The following RGPD4 variants were observed in gnomAD, a reference collection of about 807,000 sequenced individuals.
RGPD4 encodes ranBP2-like and GRIP domain-containing protein 4.
In RGPD4, 84 loss-of-function variants were observed where a neutral mutation model predicts 141.1. That is an observed-to-expected ratio of 0.60 (90% CI 0.50 to 0.71). The LOEUF (loss-of-function observed/expected upper bound fraction) is 0.71. RGPD4 is among the 30% of genes least tolerant of loss of function. RGPD4 has a pLI of 0.00. For missense variants in RGPD4, 918 were observed against 1,622.4 expected, an observed-to-expected ratio of 0.57 and a Z score of 7.46; for synonymous variants, 298 against 566.8, an observed-to-expected ratio of 0.53 and a Z score of 6.74.
intron 6 of RGPD4, among the ~76,000 whole-genome samples, chr2:107,844,906 A>T (rs1416871776): frequency 2.9e-5 from 3 of 104,112 alleles, no homozygotes; most frequent in Non-Finnish European, 3.6e-5. Flanking sequence ...CACGACCTTG[A>T]CTCACTGTAA....
In RGPD4 at chr2:107,871,692, G is replaced by A. The variant is rs538045375; in HGVS notation, c.3688G>A (p.Gly1230Ser). The A allele has an allele frequency of 3.7e-4, 595 of 1,609,710 alleles. 7 individuals are homozygous for A. In the South Asian group the frequency reaches 4.2e-3, roughly 11 times the overall value. The change falls in exon 20 of 23, where the codon GGT becomes AGT. Residue 1230 changes from glycine to serine, a missense_variant. Coordinates refer to ENST00000408999, the MANE Select transcript of RGPD4 (RefSeq NM_182588.3). The part of the protein sequence containing the change: ...ENKGSGTGAA[G>S]ASDTTIKPNP... ...TAAGGGTTCAGGTACAGGTGCGGCC[G>A]GTGCCTCAGACACAACAATAAAACC...
chr2:107,884,880 C>A (rs1030717064), intron 22 of RGPD4, among the ~76,000 whole-genome samples: 2 of 151,890 alleles, frequency 1.3e-5, no homozygotes, highest in Non-Finnish European at 2.9e-5. Flanking sequence ...GGTCTGGGGC[C>A]CATACCTTGA....
chr2:107,832,844 C>A (rs925025427), intron 1 of RGPD4, among the ~76,000 whole-genome samples: 13 of 148,818 alleles, frequency 8.7e-5, no homozygotes, highest in African/African-American at 3.2e-4. Flanking sequence ...CTGGAAGTGT[C>A]CTTTCAATTG....
At chr2:107,829,827 G>T (rs143248737) in intron 1 of RGPD4, among the ~76,000 whole-genome samples, 1 of 152,080 alleles carries the variant, frequency 6.6e-6, no homozygotes, top group African/African-American at 2.4e-5. Context: ...GCGCAGCCTG[G>T]TTCTCGGGGG....
At position 107,854,616 on chromosome 2, in the gene RGPD4, A is replaced by T. The variant is rs1345372579; in HGVS notation, c.1039A>T (p.Met347Leu). ...AGCTGGACAAAATCTGCTGGAAATG[A>T]TGGCCTGTGACCGACTGAGCCAATC... ...GEAGQNLLEM[M>L]ACDRLSQSGH... The change falls in exon 8 of 23, where the codon ATG (methionine) becomes TTG (leucine). Residue 347 changes from methionine to leucine, a missense_variant. Met to Leu is a conservative substitution (Grantham distance 15). Transcript: ENST00000408999. 3.9e-6 allele frequency: 6 copies of T among 1,530,542 alleles called. No individual in the cohort carries two copies. Among genetic ancestry groups the T allele is most frequent in the Non-Finnish European group, 5.3e-6 (6 of 1,130,696 alleles). The allele number at this position is 1,530,542 out of a possible 1,614,324, so 94.8% of individuals were successfully genotyped here. A position where few individuals can be genotyped will look rare whatever the true frequency, so the allele number is the denominator to read the frequency against.
At chr2:107,855,615 C>T (rs1487753916) in intron 8 of RGPD4, among the ~76,000 whole-genome samples, 27 of 144,296 alleles carry the variant, frequency 1.9e-4, no homozygotes, top group Non-Finnish European at 3.4e-4. Context: ...AGAATTAACT[C>T]GAAGGAGGGT....
rs551437283 is a variant in RGPD4, at chr2:107,878,713, T to C, written c.4925-1255T>C. Reference sequence around the variant, plus strand: ...ATTAAGTATTACCTTACACGATCACTAGGCCATCTGCAGACTGAGGAGCAA... The same window carrying C: ...ATTAAGTATTACCTTACACGATCACCAGGCCATCTGCAGACTGAGGAGCAA... On this transcript the variant is annotated intron_variant, in intron 20 of 22. Transcript: ENST00000408999. 2.0e-4 allele frequency among the ~76,000 whole-genome samples: 18 copies of C among 89,804 alleles called. No homozygotes were observed. In the East Asian group the frequency reaches 4.7e-3, roughly 24 times the overall value. The allele number at this position is 89,804 out of a possible 152,430, so 58.9% of individuals were successfully genotyped here.
At position 107,880,645 on chromosome 2, in the gene RGPD4, T is replaced by G. The variant is rs1432879640; in HGVS notation, c.5064+538T>G. Among the ~76,000 whole-genome samples the G allele has an allele frequency of 1.3e-5, 2 of 150,222 alleles. 1 individual carries two copies. Among genetic ancestry groups the G allele is most frequent in the African/African-American group, 5.0e-5 (2 of 40,190 alleles). The stretch of plus-strand genomic sequence containing the variant: ...AAGAAACCGTAATAGATTTAGAAAC[T>G]AGAGAGATGTTCACAAATCATTGTT... On this transcript the variant is annotated intron_variant, in intron 21 of 22. Transcript: ENST00000408999.
At position 107,862,709 on chromosome 2, in the gene RGPD4, G is replaced by A. The variant is rs79619029; in HGVS notation, c.2233G>A (p.Glu745Lys). 3.0e-6 allele frequency: 3 copies of A among 989,236 alleles called. 1 individual carries two copies. Among genetic ancestry groups the A allele is most frequent in the Non-Finnish European group, 4.2e-6 (3 of 715,426 alleles). 61.3% of individuals were successfully genotyped at this position (989,236 alleles called of 1,614,324 possible). ...KLPVPLESVK[E>K]MLKSVMQELE... ...GCCTGTGCCCCTGGAGTCTGTAAAA[G>A]AGATGCTTAAGTCAGTCATGCAGGA... Residue 745 changes from glutamate to lysine, a missense_variant, in exon 16 of 23, where the codon GAG (glutamate) becomes AAG (lysine). Transcript: ENST00000408999.
chr2:107,880,552 T>C lies in RGPD4; in HGVS notation c.5064+445T>C, dbSNP rs937903187. Reference sequence around the variant, plus strand: ...TGCTGGTATTACAGGCGTGAGCCACTGCATCCAGCCAAAATACTTCTTTTA... The same window carrying C: ...TGCTGGTATTACAGGCGTGAGCCACCGCATCCAGCCAAAATACTTCTTTTA... On this transcript the variant is annotated intron_variant, in intron 21 of 22. Transcript: ENST00000408999. Among the ~76,000 whole-genome samples the C allele has an allele frequency of 1.1e-4, 16 of 151,894 alleles. No homozygotes were observed. In the East Asian group the frequency reaches 2.3e-3, roughly 22 times the overall value.
intron 1 of RGPD4, among the ~76,000 whole-genome samples, chr2:107,831,581 T>C (rs1156388759): frequency 7.2e-6 from 1 of 138,610 alleles, no homozygotes; most frequent in Non-Finnish European, 1.6e-5. Flanking sequence ...TCTTTTTTTT[T>C]TTTTTTTTTT....
intron 22 of RGPD4, among the ~76,000 whole-genome samples, chr2:107,885,296 A>G (rs1052129890): frequency 5.3e-5 from 8 of 152,220 alleles, no homozygotes; most frequent in African/African-American, 1.9e-4. Flanking sequence ...TTTTATAGTT[A>G]TAAAATTAAC....
intron 22 of RGPD4, among the ~76,000 whole-genome samples, chr2:107,886,936 A>AT (rs762927063): frequency 9.3e-4 from 141 of 151,628 alleles, no homozygotes; most frequent in Non-Finnish European, 1.8e-3. Context: ...CATTCAGAAT[A>AT]TTTTTTTAAA....
At chr2:107,884,912 G>T (rs1397097094) in intron 22 of RGPD4, among the ~76,000 whole-genome samples, 3 of 151,810 alleles carry the variant, frequency 2.0e-5, no homozygotes, top group Non-Finnish European at 2.9e-5. Flanking sequence ...CTAGAGGCCT[G>T]ATAAGATTCA....
chr2:107,876,405 C>A (rs534699366), intron 20 of RGPD4, among the ~76,000 whole-genome samples: 1 of 151,224 alleles, frequency 6.6e-6, no homozygotes, highest in African/African-American at 2.5e-5. Flanking sequence ...TGTCCTAATT[C>A]TGGTATTCAC....
intron 9 of RGPD4, among the ~76,000 whole-genome samples, chr2:107,857,884 GA>G (rs1682382002): frequency 6.6e-6 from 1 of 151,936 alleles, no homozygotes; most frequent in Non-Finnish European, 1.5e-5. Flanking sequence ...CCCTACTCAG[GA>G]GGCTGAGGCA....
At chr2:107,884,992 A>C (rs952042199) in intron 22 of RGPD4, among the ~76,000 whole-genome samples, 1 of 151,802 alleles carries the variant, frequency 6.6e-6, no homozygotes, top group African/African-American at 2.4e-5. Context: ...GTTTTTTATA[A>C]TCTTTCTAAT....
chr2:107,833,553 T>G (rs1681569099), intron 1 of RGPD4, among the ~76,000 whole-genome samples: 2 of 150,538 alleles, frequency 1.3e-5, no homozygotes, highest in Non-Finnish European at 3.0e-5. Flanking sequence ...GGCATTTGCC[T>G]GCTTGAGCTT....
At chr2:107,880,366 C>G (rs1233574079) in intron 21 of RGPD4, among the ~76,000 whole-genome samples, 2 of 143,558 alleles carry the variant, frequency 1.4e-5, no homozygotes, top group East Asian at 4.2e-4. Flanking sequence ...CAGGTTCACG[C>G]CATTCTCCTG....
Sources: allele counts gnomAD v4.1 joint callset (sites outside exome capture counted in the v4.1 genomes callset), GRCh38; gene constraint gnomAD v4.1.1; transcripts MANE v1.5; gene names NCBI Gene and HGNC (gene_info 2026-07-23, HGNC 2026-07-21).